LRRC3C: variants seen among roughly 807,000 people sequenced by gnomAD.
LRRC3C encodes the protein leucine-rich repeat-containing protein 3C.
In LRRC3C, 11 loss-of-function variants were observed where a neutral mutation model predicts 14.8. The ratio of observed to expected loss-of-function variants is 0.74; its 90% CI spans 0.47 to 1.23. The LOEUF is 1.23. Ranked by LOEUF, LRRC3C falls within the 50% of genes most tolerant of loss-of-function variation. LRRC3C has a pLI of 0.00. For missense variants in LRRC3C, 354 were observed against 361.8 expected (o/e 0.98, Z 0.18); for synonymous variants, 149 against 161.5 (o/e 0.92, Z 0.59).
intron 1 of LRRC3C, among the ~76,000 whole-genome samples, chr17:39,932,879 C>A (rs890718381): frequency 1.3e-5 from 2 of 151,768 alleles, no homozygotes; most frequent in Non-Finnish European, 2.9e-5. Context: ...TGGTGAAACC[C>A]CGTCTCTACT....
At chr17:39,938,868 C>A (rs1048466136) in intron 2 of LRRC3C, among the ~76,000 whole-genome samples, 7 of 152,036 alleles carry the variant, frequency 4.6e-5, no homozygotes, top group Non-Finnish European at 5.9e-5. Context: ...GGCCTGTAAT[C>A]CCAGCTACTC....
At chr17:39,937,708 G>C (rs1202620688) in intron 2 of LRRC3C, among the ~76,000 whole-genome samples, 1 of 152,190 alleles carries the variant, frequency 6.6e-6, no homozygotes, top group Non-Finnish European at 1.5e-5. Flanking sequence ...CCTTGGTGAA[G>C]CCTTCCTTGA....
intron 1 of LRRC3C, among the ~76,000 whole-genome samples, chr17:39,933,163 CG>C (rs1462475328): frequency 6.6e-6 from 1 of 152,146 alleles, no homozygotes; most frequent in African/African-American, 2.4e-5. Flanking sequence ...TCAAACTTCA[CG>C]TAATGTGGTA....
chr17:39,944,464 G>A lies in LRRC3C; in HGVS notation c.558G>A (p.Val186=), dbSNP rs1979029247. The change falls in exon 4 of 4, where the codon GTG becomes GTA. Residue 186 remains valine, a synonymous_variant. Transcript: ENST00000377924. Reference sequence around the variant, plus strand: ...TGCCGGGCACTGGGACAGGCATCGTGTGTGGCTCAGGAGCCCGACCGGACC... The same window carrying A: ...TGCCGGGCACTGGGACAGGCATCGTATGTGGCTCAGGAGCCCGACCGGACC... The part of the protein sequence containing the change: ...RLVPGTGTGI[V]CGSGARPDLV... 5 of 1,487,842 alleles carry A rather than the reference G, an allele frequency of 3.4e-6. No homozygotes were observed. The highest frequency in any genetic ancestry group is 2.7e-6 in the Non-Finnish European group (3 of 1,121,132). 92.2% of individuals were successfully genotyped at this position (1,487,842 alleles called of 1,614,324 possible). A position where few individuals can be genotyped will look rare whatever the true frequency, so the allele number is the denominator to read the frequency against.
At chr17:39,935,722 T>G in intron 1 of LRRC3C, 80 bp from the exon 2 acceptor site, 1 of 617,340 alleles carries the variant, frequency 1.6e-6, no homozygotes, top group Non-Finnish European at 2.0e-6. Flanking sequence ...CATGCTCAGA[T>G]ATGTGTTAAG....
chr17:39,941,528 G>A lies in LRRC3C; in HGVS notation c.5G>A (p.Arg2His), dbSNP rs761482594. 14 of 1,535,420 alleles carry A rather than the reference G, an allele frequency of 9.1e-6. No individual in the cohort carries two copies. Among genetic ancestry groups the A allele is most frequent in the East Asian group, 2.4e-5 (1 of 40,902 alleles). MRMTSSSFVSYC... is the reference protein window; with the variant it reads MHMTSSSFVSYC... The stretch of plus-strand genomic sequence containing the variant: ...TCCTTCTCAGAAAGGTCTCCAATGC[G>A]TATGACCTCATCTTCCTTCGTGTAA... The change falls in exon 3 of 4, where the codon CGT (arginine) becomes CAT (histidine). Residue 2 changes from arginine (R) to histidine (H), a missense_variant. Transcript: ENST00000377924.
Position 39,944,238 on chromosome 17 carries a change from C to A in LRRC3C, c.332C>A (p.Ser111Tyr). The A allele has an allele frequency of 2.6e-6, 4 of 1,535,242 alleles. No homozygotes were observed. Among genetic ancestry groups the A allele is most frequent in the Non-Finnish European group, 2.6e-6 (3 of 1,146,462 alleles). Reference protein sequence around the residue: ...HLPVLEELDLSHNALAHLSGA... With the variant: ...HLPVLEELDLYHNALAHLSGA... ...CCTGTCCTGGAGGAGTTGGATCTGT[C>A]CCATAATGCCCTTGCCCACCTCTCA... The change falls in exon 4 of 4, where the codon TCC becomes TAC. Residue 111 changes from serine (S) to tyrosine (Y), a missense_variant. Coordinates refer to ENST00000377924, the MANE Select transcript of LRRC3C (RefSeq NM_001195545.2).
At chr17:39,935,723 A>G (rs1220000994) in intron 1 of LRRC3C, 79 bp from the exon 2 acceptor site, 1 of 623,478 alleles carries the variant, frequency 1.6e-6, no homozygotes, top group Non-Finnish European at 2.0e-6. Flanking sequence ...ATGCTCAGAT[A>G]TGTGTTAAGT....
chr17:39,928,874 T>C (rs1255673990), intron 1 of LRRC3C, among the ~76,000 whole-genome samples: 1 of 152,158 alleles, frequency 6.6e-6, no homozygotes, highest in Non-Finnish European at 1.5e-5. Context: ...CAGAGGCACT[T>C]AGTGGTCACC....
In LRRC3C at chr17:39,944,025, G is replaced by T. The variant is rs763179107; in HGVS notation, c.119G>T (p.Gly40Val). The T allele has an allele frequency of 6.5e-7, 1 of 1,536,032 alleles. No homozygotes were observed. Among genetic ancestry groups the T allele is most frequent in the East Asian group, 2.4e-5 (1 of 40,890 alleles). The stretch of plus-strand genomic sequence containing the variant: ...CTCCTGCTGGTGATAGGCACAGGGG[G>T]TACTGTGCCCAGCCCCCAGGTGCCT... ...LPLLLVIGTG[G>V]TVPSPQVPPR... The change falls in exon 4 of 4, where the codon GGT (glycine) becomes GTT (valine). Residue 40 changes from glycine (G) to valine (V), a missense_variant. Transcript: ENST00000377924.
intron 2 of LRRC3C, chr17:39,939,296 C>A: frequency 1.1e-6 from 1 of 943,474 alleles, no homozygotes; most frequent in Non-Finnish European, 1.3e-6. Flanking sequence ...AGGGATGATT[C>A]TGCCATGTTA....
At chr17:39,929,610 C>A (rs1463798919) in intron 1 of LRRC3C, 2 of 152,188 alleles carry the variant, frequency 1.3e-5, no homozygotes, top group Non-Finnish European at 2.9e-5. Context: ...AACCCTTGGA[C>A]AAACACTTGT....
intron 2 of LRRC3C, among the ~76,000 whole-genome samples, chr17:39,936,817 G>A (rs916499220): frequency 1.3e-5 from 2 of 150,178 alleles, no homozygotes; most frequent in Non-Finnish European, 3.0e-5. Flanking sequence ...ACCCCGTCTC[G>A]AAAAAAATAA....
intron 1 of LRRC3C, among the ~76,000 whole-genome samples, chr17:39,932,033 C>T (rs149873896): frequency 2.0e-4 from 30 of 152,206 alleles, no homozygotes; most frequent in Non-Finnish European, 4.1e-4. Context: ...TAAGATAAGC[C>T]AAAATAGAGC....
chr17:39,941,349 TAAA>T (rs11344927), intron 2 of LRRC3C, 91 bp from the exon 3 acceptor site: 18,778 of 264,418 alleles, frequency 0.071, 1 homozygote, highest in South Asian at 0.11. Flanking sequence ...AGACTTTATC[TAAA>T]AAAAAAAAAA....
At chr17:39,937,135 T>TA (rs34681620) in intron 2 of LRRC3C, among the ~76,000 whole-genome samples, 4 of 145,120 alleles carry the variant, frequency 2.8e-5, no homozygotes, top group Non-Finnish European at 4.5e-5. Flanking sequence ...AGACTCTGTC[T>TA]AAAAAAAATA....
intron 3 of LRRC3C, among the ~76,000 whole-genome samples, chr17:39,943,352 A>T (rs548593097): frequency 1.3e-5 from 2 of 152,154 alleles, no homozygotes; most frequent in African/African-American, 4.8e-5. Context: ...GGAAGTACAG[A>T]GCAGAGAGGA....
intron 2 of LRRC3C, among the ~76,000 whole-genome samples, chr17:39,940,006 G>A (rs1054815659): frequency 6.6e-6 from 1 of 152,208 alleles, no homozygotes; most frequent in African/African-American, 2.4e-5. Context: ...GGGAAAGGGA[G>A]GATTGCTCAG....
At chr17:39,940,225 ATCAT>A (rs1978901317) in intron 2 of LRRC3C, among the ~76,000 whole-genome samples, 1 of 152,128 alleles carries the variant, frequency 6.6e-6, no homozygotes, top group South Asian at 2.1e-4. Context: ...CAGAGATGAT[ATCAT>A]CTGGCATCCT....
Sources: allele counts gnomAD v4.1 joint callset (sites outside exome capture counted in the v4.1 genomes callset), GRCh38; gene constraint gnomAD v4.1.1; transcripts MANE v1.5; gene names NCBI Gene and HGNC (gene_info 2026-07-23, HGNC 2026-07-21).